Variants in ALDH5A1 observed in about 807,000 individuals in gnomAD.
ALDH5A1 encodes aldehyde dehydrogenase 5 family member A1.
In ALDH5A1, 33 loss-of-function variants were observed where a neutral mutation model predicts 54.7. The ratio of observed to expected loss-of-function variants is 0.60; its 90% CI spans 0.46 to 0.81. The LOEUF (loss-of-function observed/expected upper bound fraction) is 0.81, where lower values mean the gene tolerates loss of function less well. ALDH5A1 is among the 30% of genes least tolerant of loss of function. ALDH5A1 has a pLI of 0.00. For synonymous variants in ALDH5A1, 294 were observed against 292.7 expected, an observed-to-expected ratio of 1.00 and a Z score of -0.05; for missense variants, 657 against 711.0, an observed-to-expected ratio of 0.92 and a Z score of 0.86.
chr6:24,522,653 A>G, intron 6 of ALDH5A1, 114 bp from the exon 7 acceptor site: 2 of 1,316,144 alleles, frequency 1.5e-6, no homozygotes, highest in East Asian at 2.3e-5. Context: ...GTTTGAGCAC[A>G]TGACAACCAC....
chr6:24,534,439 AAAG>A lies in ALDH5A1; in HGVS notation c.*730_*732del, dbSNP rs1350755076. The A allele has an allele frequency of 2.0e-5, 3 of 152,560 alleles. No individual in the cohort carries two copies. Among genetic ancestry groups the A allele is most frequent in the Admixed American group, 6.5e-5 (1 of 15,320 alleles). 9.5% of individuals were successfully genotyped at this position (152,560 alleles called of 1,614,324 possible). On this transcript the variant is annotated 3_prime_UTR_variant, in exon 10 of 10. Transcript: ENST00000357578. ...GAGTAAATGAGCTGAAGTGTAAAGCAAAGAATAGCAGAAGCAGCTTGGTAGGAT... is the reference window on the plus strand; with the variant it reads ...GAGTAAATGAGCTGAAGTGTAAAGCAAATAGCAGAAGCAGCTTGGTAGGAT...
intron 4 of ALDH5A1, among the ~76,000 whole-genome samples, chr6:24,513,735 AC>A (rs1388601619): frequency 6.9e-6 from 1 of 144,254 alleles, no homozygotes; most frequent in Non-Finnish European, 1.5e-5. Context: ...CCTCCCACTT[AC>A]AGCTGCTGTT....
intron 4 of ALDH5A1, among the ~76,000 whole-genome samples, chr6:24,506,897 G>A (rs1759369815): frequency 6.8e-6 from 1 of 147,804 alleles, no homozygotes; most frequent in African/African-American, 2.5e-5. Context: ...ATTAACTAAA[G>A]TCCATACTTT....
chr6:24,520,603 ATGTGTG>A (rs199737070), intron 6 of ALDH5A1, 59 bp downstream of exon 6: 22 of 1,583,646 alleles, frequency 1.4e-5, no homozygotes, highest in Middle Eastern at 4.0e-4. Context: ...GAGTGTGTGT[ATGTGTG>A]TGTGTGTGAT....
chr6:24,521,289 G>A (rs146571827), intron 6 of ALDH5A1, among the ~76,000 whole-genome samples: 83 of 152,350 alleles, frequency 5.4e-4, no homozygotes, highest in African/African-American at 2.0e-3. Context: ...CTCTACAAAC[G>A]TTGCATTTTA....
chr6:24,528,702 C>CTT (rs558159398), intron 8 of ALDH5A1, among the ~76,000 whole-genome samples: 3 of 143,148 alleles, frequency 2.1e-5, no homozygotes, highest in African/African-American at 2.6e-5. Context: ...CTGCTGAACT[C>CTT]TTTTTTTTTT....
intron 4 of ALDH5A1, among the ~76,000 whole-genome samples, chr6:24,506,116 CACATGTGTACACACACA>C (rs1208220327): frequency 1.3e-5 from 2 of 151,760 alleles, no homozygotes; most frequent in Non-Finnish European, 2.9e-5. Context: ...TATATGTGTA[CACATGTGTACACACACA>C]ATAAAATGCT....
chr6:24,501,156 A>T (rs1764811658), intron 1 of ALDH5A1, among the ~76,000 whole-genome samples: 2 of 152,220 alleles, frequency 1.3e-5, no homozygotes, highest in Admixed American at 6.5e-5. Context: ...ATATAACATG[A>T]TGTTAACTTG....
rs553257538 is a variant in ALDH5A1 at position 24,504,897 on chromosome 6, G to A, written c.638G>A (p.Arg213Gln). The change falls in exon 4 of 10, where the codon CGG (arginine) becomes CAG (glutamine). Residue 213 changes from arginine to glutamine, a missense_variant. Coordinates refer to ENST00000357578, the MANE Select transcript of ALDH5A1 (RefSeq NM_001080.3). ...AATTTCCCCAGTGCCATGATCACCC[G>A]GAAGGTGGGGGCCGCCCTGGCAGCC... ...PWNFPSAMIT[R>Q]KVGAALAAGC... The A allele has an allele frequency of 1.2e-5, 19 of 1,614,178 alleles. No individual in the cohort carries two copies. Among genetic ancestry groups the A allele is most frequent in the Non-Finnish European group, 1.4e-5 (16 of 1,180,016 alleles).
rs1386328721 is a variant in ALDH5A1 at position 24,504,959 on chromosome 6, C to T, written c.700C>T (p.Pro234Ser). Residue 234 changes from proline to serine, a missense_variant, in exon 4 of 10, where the codon CCC becomes TCC. Pro to Ser is a moderately conservative substitution (Grantham distance 74). Transcript: ENST00000357578. ...CGTGGTGAAGCCTGCCGAAGACACG[C>T]CCTTCTCCGCCCTGGCCCTGGCTGA... is the stretch of plus-strand genomic sequence containing the variant. The part of the protein sequence containing the change: ...TVVVKPAEDT[P>S]FSALALAELA... 6.2e-7 allele frequency: 1 copy of T among 1,614,070 alleles called. No individual in the cohort carries two copies. Among genetic ancestry groups the T allele is most frequent in the Non-Finnish European group, 8.5e-7 (1 of 1,180,034 alleles).
intron 4 of ALDH5A1, chr6:24,511,876 C>A (rs2127384788): frequency 1.7e-6 from 1 of 596,490 alleles, no homozygotes; most frequent in Non-Finnish European, 3.1e-6. Context: ...TTGGTGAGCT[C>A]ATGTGATTTT....
At position 24,535,004 on chromosome 6, in the gene ALDH5A1, G is replaced by C. The variant is rs577519844; in HGVS notation, c.*1292G>C. On this transcript the variant is annotated 3_prime_UTR_variant, in exon 10 of 10. Transcript: ENST00000357578. ...ACAAAAAACAAAAGCCGCTATGACC[G>C]GCGTTGCCTCTCACTTTGAAAGAAA... The C allele has an allele frequency of 1.3e-5, 2 of 152,166 alleles. No individual in the cohort carries two copies. The highest frequency in any genetic ancestry group is 2.4e-5 in the African/African-American group (1 of 41,442). The allele number at this position is 152,166 out of a possible 1,614,324, so 9.4% of individuals were successfully genotyped here. A position where few individuals can be genotyped will look rare whatever the true frequency, so the allele number is the denominator to read the frequency against.
At chr6:24,520,299 T>G in intron 5 of ALDH5A1, 102 bp from the exon 6 acceptor site, 1 of 1,347,530 alleles carries the variant, frequency 7.4e-7, no homozygotes, top group Middle Eastern at 2.5e-4. Context: ...TACACCACTG[T>G]GCACCTTGCT....
At chr6:24,533,075 G>A (rs191903083) in intron 9 of ALDH5A1, among the ~76,000 whole-genome samples, 30 of 152,316 alleles carry the variant, frequency 2.0e-4, no homozygotes, top group African/African-American at 6.0e-4. Flanking sequence ...TGGCTGACAG[G>A]TTTGGAGAGG....
Position 24,515,294 on chromosome 6 carries a change from C to G in ALDH5A1, c.854C>G (p.Ser285Ter), listed in dbSNP as rs2127385894. 1 of 1,613,884 alleles carries G rather than the reference C, an allele frequency of 6.2e-7. No individual in the cohort carries two copies. ...PLVSKISFTG[S>*]TTTGKILLHH... ...GTGTCCAAAATTTCCTTTACTGGTT[C>G]AACAACTACAGGAAAGGTATGTGAC... The change falls in exon 5 of 10, where the codon TCA becomes TGA. Residue 285 changes from serine (S) to a stop codon, truncating the protein, a stop_gained. Transcript: ENST00000357578. LOFTEE classifies it high-confidence loss of function.
chr6:24,495,411 G>T, intron 1 of ALDH5A1, 61 bp downstream of exon 1: 1 of 1,481,494 alleles, frequency 6.7e-7, no homozygotes. Flanking sequence ...GAGCAGAGGG[G>T]GCTTTACCCC....
At chr6:24,514,418 ATT>A (rs1281319929) in intron 4 of ALDH5A1, among the ~76,000 whole-genome samples, 64 of 152,058 alleles carry the variant, frequency 4.2e-4, no homozygotes, top group African/African-American at 1.5e-3. Flanking sequence ...TTGCTTCTTT[ATT>A]AGTTTGAACA....
intron 1 of ALDH5A1, among the ~76,000 whole-genome samples, chr6:24,496,068 G>A (rs1581801799): frequency 1.3e-5 from 2 of 152,088 alleles, no homozygotes; most frequent in East Asian, 1.9e-4. Context: ...TGGAGTCAAC[G>A]CAGTGAAATT....
intron 7 of ALDH5A1, among the ~76,000 whole-genome samples, chr6:24,524,143 G>A (rs956337379): frequency 5.3e-5 from 8 of 151,950 alleles, no homozygotes; most frequent in African/African-American, 1.2e-4. Context: ...CCACCACCAC[G>A]CCTGGCTACT....
Sources: gnomAD v4.1 joint callset for allele counts (sites outside exome capture counted in the v4.1 genomes callset) on GRCh38, gnomAD v4.1.1 for gene constraint, MANE v1.5 for transcripts, NCBI Gene and HGNC (gene_info 2026-07-23, HGNC 2026-07-21) for gene names.